The following PARD3B variants were observed in gnomAD, a reference collection of about 807,000 sequenced individuals.
PARD3B encodes the protein par-3 family cell polarity regulator beta, also known as partitioning defective 3 homolog B.
Under a neutral mutation model 130.2 loss-of-function variants are expected in PARD3B, and 103 were observed. The ratio of observed to expected loss-of-function variants is 0.79; its 90% CI spans 0.67 to 0.93. PARD3B has a LOEUF of 0.93. PARD3B is among the 40% of genes least tolerant of loss of function. PARD3B has a pLI of 0.00. For missense variants in PARD3B, 1,609 were observed against 1,499.2 expected (o/e 1.07, Z -1.21); for synonymous variants, 583 against 553.2 (o/e 1.05, Z -0.76).
chr2:205,137,863 A>G (rs549840531), intron 10 of PARD3B, among the ~76,000 whole-genome samples: 51 of 152,252 alleles, frequency 3.3e-4, no homozygotes, highest in Admixed American at 5.2e-4. Flanking sequence ...TGTAGGGCTC[A>G]TAAGTCTTAA....
At chr2:204,780,471 T>C (rs1057499479) in intron 2 of PARD3B, among the ~76,000 whole-genome samples, 3 of 152,308 alleles carry the variant, frequency 2.0e-5, no homozygotes, top group African/African-American at 7.2e-5. Flanking sequence ...AATAGAAGTG[T>C]GTTCTAAATA....
In PARD3B at chr2:204,545,581, C is replaced by A. The variant is rs987129635; in HGVS notation, c.-419C>A. ...CCGCCGCCGCCGCCGCCCACTCCAG[C>A]CCCCGGCTTGGGGCCGGCCCTGCCA... On this transcript the variant is annotated 5_prime_UTR_variant, in exon 1 of 23. Transcript: ENST00000406610. 8.5e-5 allele frequency among the ~76,000 whole-genome samples: 13 copies of A among 152,140 alleles called. No individual in the cohort carries two copies. The highest frequency in any genetic ancestry group is 6.5e-4 in the Admixed American group (10 of 15,290).
intron 1 of PARD3B, among the ~76,000 whole-genome samples, chr2:204,661,879 G>GATAT (rs150917754): frequency 0.085 from 12,957 of 152,138 alleles, 1,113 homozygotes; most frequent in African/African-American, 0.22. Flanking sequence ...AATCTGTTGT[G>GATAT]CCTATTTTGG....
intron 1 of PARD3B, among the ~76,000 whole-genome samples, chr2:204,631,253 T>C (rs1174819732): frequency 4.6e-5 from 7 of 151,696 alleles, no homozygotes; most frequent in South Asian, 4.2e-4. Context: ...TCTTTCTTTT[T>C]TTTTTTTTTG....
At chr2:205,532,384 T>C (rs915292233) in intron 21 of PARD3B, among the ~76,000 whole-genome samples, 2 of 152,180 alleles carry the variant, frequency 1.3e-5, no homozygotes, top group African/African-American at 2.4e-5. Context: ...TTCAGTTTTC[T>C]CAGACTTACT....
chr2:205,466,955 C>T (rs1459967849), intron 20 of PARD3B, among the ~76,000 whole-genome samples: 10 of 152,184 alleles, frequency 6.6e-5, no homozygotes, highest in African/African-American at 9.7e-5. Context: ...TCAGGTGATC[C>T]GCCCACCTTG....
At chr2:205,380,601 A>G (rs189006887) in intron 18 of PARD3B, among the ~76,000 whole-genome samples, 3,290 of 24,736 alleles carry the variant, frequency 0.13, 204 homozygotes, top group South Asian at 0.31. Context: ...TAATATATAA[A>G]GAATATATAT....
chr2:205,024,125 T>TATG (rs1158641670), intron 3 of PARD3B, among the ~76,000 whole-genome samples: 4 of 151,774 alleles, frequency 2.6e-5, no homozygotes, highest in Admixed American at 2.6e-4. Context: ...ATGCATTAGC[T>TATG]ATGATCATGT....
At chr2:205,493,436 T>C (rs1465876444) in intron 20 of PARD3B, among the ~76,000 whole-genome samples, 3 of 152,136 alleles carry the variant, frequency 2.0e-5, no homozygotes, top group Admixed American at 2.0e-4. Flanking sequence ...GAGAAAACCA[T>C]TGAAATTCCA....
At chr2:205,385,163 T>C (rs576245790) in intron 18 of PARD3B, among the ~76,000 whole-genome samples, 1 of 152,288 alleles carries the variant, frequency 6.6e-6, no homozygotes, top group South Asian at 2.1e-4. Context: ...CCACAAAGCT[T>C]TGTCATATAT....
rs976925921 is a variant in PARD3B at position 204,720,137 on chromosome 2, A to G, written c.222+33855A>G. ...AGTAGATTAGTTGGTGTTTGGATTA[A>G]TTATACTAAAATAATAATAGACATT... is the stretch of plus-strand genomic sequence containing the variant. On this transcript the variant is annotated intron_variant, in intron 2 of 22. Transcript: ENST00000406610. Among the ~76,000 whole-genome samples the G allele has an allele frequency of 1.4e-4, 21 of 152,206 alleles. 1 individual carries two copies. Among genetic ancestry groups the G allele is most frequent in the Admixed American group, 1.0e-3 (16 of 15,276 alleles).
intron 1 of PARD3B, among the ~76,000 whole-genome samples, chr2:204,666,094 A>T (rs10180873): frequency 0.8 from 121,933 of 152,124 alleles, 49,113 homozygotes; most frequent in East Asian, 0.9. Flanking sequence ...GAGCCCAGGC[A>T]ATCTTTATAA....
chr2:204,766,384 A>C (rs1236449090), intron 2 of PARD3B, among the ~76,000 whole-genome samples: 2 of 152,170 alleles, frequency 1.3e-5, no homozygotes, highest in African/African-American at 4.8e-5. Context: ...GGGGTACATA[A>C]TATAAAAAGT....
chr2:204,903,123 C>T (rs75070059), intron 2 of PARD3B, among the ~76,000 whole-genome samples: 2,230 of 152,272 alleles, frequency 0.015, 57 homozygotes, highest in African/African-American at 0.051. Context: ...CTTTATGGTA[C>T]TTCTAGTTTT....
chr2:205,281,700 G>A lies in PARD3B; in HGVS notation c.2186-18830G>A, dbSNP rs2041196792. On this transcript the variant is annotated intron_variant, in intron 16 of 22. Coordinates refer to ENST00000406610, the MANE Select transcript of PARD3B (RefSeq NM_001302769.2). The surrounding 1 kb of genome is among the most constrained non-coding windows in gnomAD (Gnocchi z 4.2). ...ACCTGCACTCGGAAGGCAGGCAACT[G>A]TTTTGTATCAATCAGCAAATCAAAG... 6.6e-6 allele frequency among the ~76,000 whole-genome samples: 1 copy of A among 152,294 alleles called. No homozygotes were observed. The highest frequency in any genetic ancestry group is 1.9e-4 in the East Asian group (1 of 5,192).
In PARD3B at chr2:205,037,118, C is replaced by G. The variant is rs1216192217; in HGVS notation, c.395-10463C>G. Among the ~76,000 whole-genome samples, 3 of 122,712 alleles carry G rather than the reference C, an allele frequency of 2.4e-5. No homozygotes were observed. The Admixed American group carries it at 2.4e-4, about 10-fold the overall frequency. The allele number at this position is 122,712 out of a possible 152,430, so 80.5% of individuals were successfully genotyped here. A position where few individuals can be genotyped will look rare whatever the true frequency, so the allele number is the denominator to read the frequency against. ...TATATAGCGGACTGTATATATAAAA[C>G]AAATATACATATATAGCGGACTGTA... is the stretch of plus-strand genomic sequence containing the variant. On this transcript the variant is annotated intron_variant, in intron 3 of 22. Coordinates refer to ENST00000406610, the MANE Select transcript of PARD3B (RefSeq NM_001302769.2).
chr2:205,087,742 A>T (rs1017500555), intron 4 of PARD3B, among the ~76,000 whole-genome samples: 24 of 152,220 alleles, frequency 1.6e-4, no homozygotes, highest in South Asian at 4.1e-4. Context: ...TCACCATTTC[A>T]TCCGTGTTAG....
intron 19 of PARD3B, among the ~76,000 whole-genome samples, chr2:205,413,528 G>A (rs1478067819): frequency 6.6e-6 from 1 of 152,154 alleles, no homozygotes; most frequent in Non-Finnish European, 1.5e-5. Flanking sequence ...AATAATTGCT[G>A]CAATGGAACT....
intron 1 of PARD3B, among the ~76,000 whole-genome samples, chr2:204,621,902 T>G (rs1349944768): frequency 1.3e-5 from 2 of 152,202 alleles, no homozygotes; most frequent in Non-Finnish European, 2.9e-5. Context: ...TGTTTGAAAG[T>G]ATCAGTTTGT....
Sources: gnomAD v4.1 joint callset for allele counts (sites outside exome capture counted in the v4.1 genomes callset) on GRCh38, gnomAD v4.1.1 for gene constraint, Gnocchi (gnomAD v3.1) non-coding constraint, MANE v1.5 for transcripts, NCBI Gene and HGNC (gene_info 2026-07-23, HGNC 2026-07-21) for gene names.